Variants in CFAP73 observed in about 807,000 individuals in gnomAD.
CFAP73 encodes the protein cilia- and flagella-associated protein 73.
CFAP73 carries 33 observed loss-of-function variants against 42.9 expected under a neutral mutation model. The ratio of observed to expected loss-of-function variants is 0.77; its 90% CI spans 0.58 to 1.03. The LOEUF is 1.03. Among genes scored for constraint, CFAP73 ranks in the 50% least tolerant of loss-of-function variants. The probability of loss-of-function intolerance (pLI) is 0.00; values close to 1 mark genes in which losing one functional copy is unlikely to be tolerated. For synonymous variants in CFAP73, 162 were observed against 186.8 expected (o/e 0.87, Z 1.08); for missense variants, 392 against 411.9 (o/e 0.95, Z 0.42).
chr12:113,150,119 C>G (rs759614258), intron 1 of CFAP73, among the ~76,000 whole-genome samples: 7 of 152,122 alleles, frequency 4.6e-5, no homozygotes, highest in Non-Finnish European at 7.3e-5. Context: ...ATCCCCCACC[C>G]CTAGCTGACA....
At chr12:113,151,463 AC>A (rs1952060151) in intron 1 of CFAP73, among the ~76,000 whole-genome samples, 1 of 152,118 alleles carries the variant, frequency 6.6e-6, no homozygotes, top group African/African-American at 2.4e-5. Context: ...AACCTGAATG[AC>A]AGAGCAAGAC....
intron 6 of CFAP73, chr12:113,157,296 A>G (rs974357488): frequency 8.9e-5 from 37 of 414,206 alleles, no homozygotes; most frequent in Admixed American, 1.5e-4. Context: ...TGACTGATCC[A>G]GTTACAAGAA....
At chr12:113,156,286 C>T (rs1316442080) in intron 6 of CFAP73, among the ~76,000 whole-genome samples, 1 of 151,986 alleles carries the variant, frequency 6.6e-6, no homozygotes, top group Non-Finnish European at 1.5e-5. Context: ...AGTGGGTATA[C>T]CCAAAGCATG....
rs754005172 is a variant in CFAP73 at position 113,152,860 on chromosome 12, G to A, written c.240G>A (p.Ser80=). 3 of 1,551,638 alleles carry A rather than the reference G, an allele frequency of 1.9e-6. No homozygotes were observed. The South Asian group carries it at 3.6e-5, about 18-fold the overall frequency. Residue 80 remains serine, a synonymous_variant, in exon 3 of 8, where the codon TCG becomes TCA. Coordinates refer to ENST00000335621, the MANE Select transcript of CFAP73 (RefSeq NM_001144872.3). The part of the protein sequence containing the change: ...LEQKERELKG[S]FIRFDKFLQD... ...AAAAGGAGCGGGAGCTAAAGGGATCGTTCATCCGCTTTGACAAGTTTTTGC... is the reference window on the plus strand; with the variant it reads ...AAAAGGAGCGGGAGCTAAAGGGATCATTCATCCGCTTTGACAAGTTTTTGC...
At chr12:113,151,820 C>A in intron 1 of CFAP73, 98 bp from the exon 2 acceptor site, 2 of 729,980 alleles carry the variant, frequency 2.7e-6, no homozygotes, top group Non-Finnish European at 4.4e-6. Flanking sequence ...AATTAAACAG[C>A]CAGCAGGTGG....
Position 113,154,407 on chromosome 12 carries a change from A to G in CFAP73, c.469-7A>G. The stretch of plus-strand genomic sequence containing the variant: ...CATGTGAGTCCCTTCCCCGCCCCCG[A>G]CTCTAGTTCCAAGAGGTTCCGGAGC... On this transcript the variant is annotated splice_region_variant and splice_polypyrimidine_tract_variant and intron_variant, in intron 4 of 7. Transcript: ENST00000335621. The surrounding 1 kb of genome is among the most constrained non-coding windows in gnomAD (Gnocchi z 4.7). 1 of 1,548,076 alleles carries G rather than the reference A, an allele frequency of 6.5e-7. No homozygotes were observed.
At position 113,158,776 on chromosome 12, in the gene CFAP73, C is replaced by A; in HGVS notation, c.*87C>A. The A allele has an allele frequency of 7.7e-7, 1 of 1,305,108 alleles. No individual in the cohort carries two copies. The highest frequency in any genetic ancestry group is 1.0e-6 in the Non-Finnish European group (1 of 961,658). The allele number at this position is 1,305,108 out of a possible 1,614,324, so 80.8% of individuals were successfully genotyped here. A position where few individuals can be genotyped will look rare whatever the true frequency, so the allele number is the denominator to read the frequency against. ...ATGATGGCTCCTGCAGGGAGTGCCC[C>A]CAGTGCCCAGCACAGGGCCAGGCAC... On this transcript the variant is annotated 3_prime_UTR_variant, in exon 8 of 8. Coordinates refer to ENST00000335621, the MANE Select transcript of CFAP73 (RefSeq NM_001144872.3). This position sits in a 1 kb window ranked among gnomAD's most constrained non-coding sequence, Gnocchi z 4.9.
chr12:113,155,302 A>T lies in CFAP73; in HGVS notation c.733A>T (p.Thr245Ser). 6.5e-7 allele frequency: 1 copy of T among 1,549,902 alleles called. No homozygotes were observed. Among genetic ancestry groups the T allele is most frequent in the Non-Finnish European group, 8.7e-7 (1 of 1,145,726 alleles). The change falls in exon 6 of 8, where the codon ACT (threonine) becomes TCT (serine). Residue 245 changes from threonine to serine, a missense_variant. Physicochemically the swap from Thr to Ser is moderately conservative, Grantham distance 58. Coordinates refer to ENST00000335621, the MANE Select transcript of CFAP73 (RefSeq NM_001144872.3). ...GATTCAGAACACAGCAGCGGAGAAGACTCTGCTCCTGGGACGCAGCAGGAT... is the reference window on the plus strand; with the variant it reads ...GATTCAGAACACAGCAGCGGAGAAGTCTCTGCTCCTGGGACGCAGCAGGAT... ...IQIQNTAAEK[T>S]LLLGRSRMAV...
Position 113,154,668 on chromosome 12 carries a change from AC to A in CFAP73, c.690+37del. 1.5e-6 allele frequency: 2 copies of A among 1,379,098 alleles called. No homozygotes were observed. Among genetic ancestry groups the A allele is most frequent in the African/African-American group, 1.5e-5 (1 of 65,166 alleles). The allele number at this position is 1,379,098 out of a possible 1,614,324, so 85.4% of individuals were successfully genotyped here. A position where few individuals can be genotyped will look rare whatever the true frequency, so the allele number is the denominator to read the frequency against. On this transcript the variant is annotated intron_variant, in intron 5 of 7. Coordinates refer to ENST00000335621, the MANE Select transcript of CFAP73 (RefSeq NM_001144872.3). This position sits in a 1 kb window ranked among gnomAD's most constrained non-coding sequence, Gnocchi z 4.7. Reference sequence around the variant, plus strand: ...CCGCCCTAGGTGGGGGGCGCTCCGGACCCCAGGCTTCCACAGCCGGGCGGGG... The same window carrying A: ...CCGCCCTAGGTGGGGGGCGCTCCGGACCCAGGCTTCCACAGCCGGGCGGGG...
At position 113,154,086 on chromosome 12, in the gene CFAP73, G is replaced by A. The variant is rs531470247; in HGVS notation, c.469-328G>A. 7.9e-4 allele frequency among the ~76,000 whole-genome samples: 120 copies of A among 152,192 alleles called. 5 individuals carry two copies. The South Asian group carries it at 0.025, about 32-fold the overall frequency. On this transcript the variant is annotated intron_variant, in intron 4 of 7. Transcript: ENST00000335621. The surrounding 1 kb of genome is among the most constrained non-coding windows in gnomAD (Gnocchi z 4.7). ...GGATTGCTTGAAGCCAGGAGTTCGA[G>A]ACCAGTCTGGGTAACATAGAGTGAC... is the stretch of plus-strand genomic sequence containing the variant.
Position 113,153,201 on chromosome 12 carries a change from TC to T in CFAP73, c.268-3del. On this transcript the variant is annotated splice_region_variant and splice_polypyrimidine_tract_variant and intron_variant, in intron 3 of 7. Transcript: ENST00000335621. ...GAAGGTCGTCTTCTCCCCACCGTAC[TC>T]CCCAGGACTCCGAGGCCCGGCGCAA... The T allele has an allele frequency of 6.6e-7, 1 of 1,506,786 alleles. No individual in the cohort carries two copies. Among genetic ancestry groups the T allele is most frequent in the Non-Finnish European group, 8.8e-7 (1 of 1,134,596 alleles). 93.3% of individuals were successfully genotyped at this position (1,506,786 alleles called of 1,614,324 possible). A position where few individuals can be genotyped will look rare whatever the true frequency, so the allele number is the denominator to read the frequency against.
Position 113,152,040 on chromosome 12 carries a change from G to A in CFAP73, c.162+17G>A. 6.6e-7 allele frequency: 1 copy of A among 1,524,316 alleles called. No individual in the cohort carries two copies. Among genetic ancestry groups the A allele is most frequent in the South Asian group, 1.2e-5 (1 of 83,286 alleles). 94.4% of individuals were successfully genotyped at this position (1,524,316 alleles called of 1,614,324 possible). ...CAGAAGGAGGTGAGCCCCCACTACTGTAACGAGGTGGTGAGCTGGTGGATG... is the reference window on the plus strand; with the variant it reads ...CAGAAGGAGGTGAGCCCCCACTACTATAACGAGGTGGTGAGCTGGTGGATG... On this transcript the variant is annotated intron_variant, in intron 2 of 7. Transcript: ENST00000335621.
At chr12:113,157,812 G>A (rs959892735) in intron 7 of CFAP73, 122 bp downstream of exon 7, 4 of 763,064 alleles carry the variant, frequency 5.2e-6, no homozygotes, top group Admixed American at 4.3e-5. Flanking sequence ...TGGGAGGGCT[G>A]TGCCTGTTCA....
In CFAP73 at chr12:113,154,370, G is replaced by C; in HGVS notation, c.469-44G>C. On this transcript the variant is annotated intron_variant, in intron 4 of 7. Coordinates refer to ENST00000335621, the MANE Select transcript of CFAP73 (RefSeq NM_001144872.3). The surrounding 1 kb of genome is among the most constrained non-coding windows in gnomAD (Gnocchi z 4.7). ...GGCCAGGTGGGATGGAGAGGGTAAG[G>C]CACTGCAGGCCCATGTGAGTCCCTT... 1.3e-6 allele frequency: 2 copies of C among 1,543,122 alleles called. No homozygotes were observed. Among genetic ancestry groups the C allele is most frequent in the Non-Finnish European group, 1.8e-6 (2 of 1,142,248 alleles).
Sources: allele counts gnomAD v4.1 joint callset (sites outside exome capture counted in the v4.1 genomes callset), GRCh38; gene constraint gnomAD v4.1.1; non-coding constraint Gnocchi (gnomAD v3.1); transcripts MANE v1.5; gene names NCBI Gene and HGNC (gene_info 2026-07-23, HGNC 2026-07-21).